PRR14L: variants seen among roughly 807,000 people sequenced by gnomAD.
PRR14L encodes the protein proline rich 14 like.
Under a neutral mutation model 155.0 loss-of-function variants are expected in PRR14L, and 80 were observed. The observed-to-expected ratio is 0.52, with a 90% CI of 0.43 to 0.62. PRR14L has a LOEUF of 0.62. Ranked by LOEUF, PRR14L falls within the 20% of genes least tolerant of loss-of-function variation. The pLI is 0.00. For synonymous variants in PRR14L, 883 were observed against 916.0 expected, an observed-to-expected ratio of 0.96 and a Z score of 0.65; for missense variants, 2,469 against 2,548.0, an observed-to-expected ratio of 0.97 and a Z score of 0.67.
intron 7 of PRR14L, among the ~76,000 whole-genome samples, chr22:31,693,142 T>A (rs377164632): frequency 0.013 from 2,000 of 152,264 alleles, 13 homozygotes; most frequent in Middle Eastern, 0.031. Context: ...ACCCTTGTTG[T>A]TGTCTTCTAT....
rs1462541740 is a variant in PRR14L at position 31,713,137 on chromosome 22, A to G, written c.4702T>C (p.Cys1568Arg). The G allele has an allele frequency of 4.5e-6, 7 of 1,552,144 alleles. No individual in the cohort carries two copies. The Admixed American group carries it at 1.2e-4, about 26-fold the overall frequency. ...PTKAHRLLSL[C>R]TLSAPTRLEP... is the part of the protein sequence containing the mutation. The stretch of plus-strand genomic sequence containing the variant: ...AATCGTGTAGGTGCAGACAGAGTAC[A>G]CAAACTGAGAAGTCTGTGCGCTTTT... Residue 1568 changes from cysteine (C) to arginine (R), a missense_variant, in exon 4 of 9, where the codon TGT becomes CGT. Cys to Arg is a radical substitution (Grantham distance 180). This residue lies in a region of PRR14L where 2,363 missense variants were observed against 2,371.6 expected (regional missense o/e 1.00). Coordinates refer to ENST00000327423, the MANE Select transcript of PRR14L (RefSeq NM_173566.3).
intron 1 of PRR14L, among the ~76,000 whole-genome samples, chr22:31,741,472 AAAG>A (rs1601519071): frequency 6.6e-6 from 1 of 151,572 alleles, no homozygotes; most frequent in East Asian, 2.0e-4. Flanking sequence ...CAAAGAAAAA[AAAG>A]AACAAGCAAT....
At chr22:31,704,163 C>T (rs577040910) in intron 5 of PRR14L, among the ~76,000 whole-genome samples, 47 of 152,268 alleles carry the variant, frequency 3.1e-4, no homozygotes, top group Middle Eastern at 3.4e-3. Context: ...ATCCAGTCAA[C>T]CTGCATTCTA....
intron 6 of PRR14L, among the ~76,000 whole-genome samples, chr22:31,702,306 T>TC (rs753650511): frequency 1.3e-5 from 2 of 152,188 alleles, no homozygotes; most frequent in Non-Finnish European, 2.9e-5. Flanking sequence ...CACCGCAACC[T>TC]CTGCCTCCCA....
At chr22:31,749,287 G>GA (rs1035444471) in intron 1 of PRR14L, among the ~76,000 whole-genome samples, 10 of 152,152 alleles carry the variant, frequency 6.6e-5, no homozygotes, top group Admixed American at 5.2e-4. Flanking sequence ...TAATGCAAGG[G>GA]AAAGGAGCTC....
chr22:31,720,371 A>G (rs897665042), intron 3 of PRR14L, among the ~76,000 whole-genome samples: 3 of 152,158 alleles, frequency 2.0e-5, no homozygotes, highest in South Asian at 2.1e-4. Flanking sequence ...TTCAACACAC[A>G]ATACTTATCA....
chr22:31,747,756 C>T (rs550036742), intron 1 of PRR14L, among the ~76,000 whole-genome samples: 1 of 150,070 alleles, frequency 6.7e-6, no homozygotes, highest in Non-Finnish European at 1.5e-5. Context: ...AGATGGTAAG[C>T]GTTTCTTTAG....
chr22:31,706,397 AAAGT>A (rs553562852), intron 4 of PRR14L, among the ~76,000 whole-genome samples: 2 of 151,046 alleles, frequency 1.3e-5, no homozygotes, highest in East Asian at 3.9e-4. Context: ...AAAACTATTA[AAAGT>A]TTAATTCCTT....
intron 7 of PRR14L, among the ~76,000 whole-genome samples, chr22:31,690,009 C>T (rs1262850975): frequency 5.9e-5 from 9 of 151,770 alleles, no homozygotes; most frequent in East Asian, 3.9e-4. Flanking sequence ...CTCTACCTCC[C>T]GGGTTCAAGC....
At position 31,703,716 on chromosome 22, in the gene PRR14L, T is replaced by G; in HGVS notation, c.5834A>C (p.Glu1945Ala). The change falls in exon 6 of 9, where the codon GAG (glutamate) becomes GCG (alanine). Residue 1945 changes from glutamate (E) to alanine (A), a missense_variant. By Grantham distance (107) the Glu-to-Ala change is moderately radical. Around this residue, in one of 2 missense-constraint regions of PRR14L, gnomAD observed 2,363 missense variants for 2,371.6 expected, o/e 1.00. Transcript: ENST00000327423. ...YNTSGSQTRL[E>A]PPFPALVPKS... ...TGGTACCAAGGCAGGGAATGGAGGC[T>G]CCAGCCTAGCACCATGAAGAGAAAG... is the stretch of plus-strand genomic sequence containing the variant. 6.3e-7 allele frequency: 1 copy of G among 1,584,562 alleles called. No homozygotes were observed. The highest frequency in any genetic ancestry group is 1.2e-5 in the South Asian group (1 of 86,448).
chr22:31,714,412 A>C lies in PRR14L; in HGVS notation c.3427T>G (p.Cys1143Gly), dbSNP rs1435991268. 1 of 1,551,586 alleles carries C rather than the reference A, an allele frequency of 6.4e-7. No homozygotes were observed. The highest frequency in any genetic ancestry group is 8.7e-7 in the Non-Finnish European group (1 of 1,146,974). ...EENVCRSLKD[C>G]EMEKCPDSCA... is the part of the protein sequence containing the mutation. ...GAGTCTGGACACTTTTCCATTTCAC[A>C]GTCTTTTAAAGATCTGCATACGTTT... is the stretch of plus-strand genomic sequence containing the variant. Residue 1143 changes from cysteine (C) to glycine (G), a missense_variant, in exon 4 of 9, where the codon TGT becomes GGT. Physicochemically the swap from Cys to Gly is radical, Grantham distance 159 (BLOSUM62 -3). Coordinates refer to ENST00000327423, the MANE Select transcript of PRR14L (RefSeq NM_173566.3).
intron 8 of PRR14L, among the ~76,000 whole-genome samples, chr22:31,687,546 G>T (rs1439255858): frequency 2.0e-5 from 3 of 149,708 alleles, no homozygotes; most frequent in Non-Finnish European, 4.4e-5. Context: ...GTAGAGACAG[G>T]GTTCACCATG....
intron 3 of PRR14L, among the ~76,000 whole-genome samples, chr22:31,724,924 G>C (rs1419554599): frequency 6.6e-6 from 1 of 152,116 alleles, no homozygotes; most frequent in Non-Finnish European, 1.5e-5. Context: ...AAAACTCTCA[G>C]GGTGACCTGG....
At chr22:31,738,985 C>A in intron 1 of PRR14L, 74 bp from the exon 2 acceptor site, 2 of 628,174 alleles carry the variant, frequency 3.2e-6, no homozygotes, top group Non-Finnish European at 2.7e-6. Context: ...CAGTTCAAAC[C>A]GGCTACAACG....
rs189405845 is a variant in PRR14L at position 31,691,562 on chromosome 22, C to T, written c.6108-3335G>A. On this transcript the variant is annotated intron_variant, in intron 7 of 8. Transcript: ENST00000327423. ...ACTCCAAACAGAAACCTACTTTTAG[C>T]AGTCACCTGGACTCTCCCCTGCCAC... Among the ~76,000 whole-genome samples, 479 of 152,294 alleles carry T rather than the reference C, an allele frequency of 3.1e-3. 3 individuals are homozygous for T. The highest frequency in any genetic ancestry group is 5.8e-3 in the South Asian group (28 of 4,832).
At chr22:31,695,459 T>C (rs1048733016) in intron 7 of PRR14L, among the ~76,000 whole-genome samples, 1 of 152,138 alleles carries the variant, frequency 6.6e-6, no homozygotes, top group Admixed American at 6.6e-5. Context: ...GCCCTAGTGG[T>C]GCGGCCAGGA....
intron 3 of PRR14L, among the ~76,000 whole-genome samples, chr22:31,719,670 C>T (rs892434974): frequency 2.0e-5 from 3 of 151,850 alleles, no homozygotes; most frequent in Non-Finnish European, 2.9e-5. Flanking sequence ...CTGAGAGCAG[C>T]AATTACTGTG....
intron 1 of PRR14L, among the ~76,000 whole-genome samples, chr22:31,740,991 C>T (rs1031777624): frequency 4.0e-5 from 6 of 151,874 alleles, no homozygotes; most frequent in African/African-American, 9.7e-5. Flanking sequence ...TGGTGGCTCA[C>T]GCCTGTAATC....
At chr22:31,696,569 A>C (rs1005656800) in intron 7 of PRR14L, among the ~76,000 whole-genome samples, 2 of 152,166 alleles carry the variant, frequency 1.3e-5, no homozygotes, top group Admixed American at 6.6e-5. Flanking sequence ...TACCATACCC[A>C]GCTCAATCTC....
Sources: allele counts gnomAD v4.1 joint callset (sites outside exome capture counted in the v4.1 genomes callset), GRCh38; gene constraint gnomAD v4.1.1; regional missense constraint gnomAD v4.1.1; transcripts MANE v1.5; gene names NCBI Gene and HGNC (gene_info 2026-07-23, HGNC 2026-07-21).